Variants in FSTL5 observed in about 807,000 individuals in gnomAD.
FSTL5 encodes follistatin-related protein 5.
FSTL5 carries 62 observed loss-of-function variants against 89.1 expected under a neutral mutation model. The ratio of observed to expected loss-of-function variants is 0.70; its 90% CI spans 0.57 to 0.86. FSTL5 has a LOEUF of 0.86. Among genes scored for constraint, FSTL5 ranks in the 40% least tolerant of loss-of-function variants. FSTL5 has a pLI of 0.00. For missense variants in FSTL5, 1,057 were observed against 1,001.6 expected (o/e 1.06, Z -0.75); for synonymous variants, 383 against 346.2 (o/e 1.11, Z -1.18).
At chr4:161,742,689 G>A (rs1740068313) in intron 6 of FSTL5, among the ~76,000 whole-genome samples, 1 of 152,160 alleles carries the variant, frequency 6.6e-6, no homozygotes, top group Non-Finnish European at 1.5e-5. Flanking sequence ...TAGTGGATGA[G>A]TATGATAAGA....
chr4:162,089,635 AAAAAAAAAAAAAAAAG>A (rs1448132216), intron 2 of FSTL5, among the ~76,000 whole-genome samples: 2 of 83,754 alleles, frequency 2.4e-5, no homozygotes, highest in African/African-American at 3.4e-5. Flanking sequence ...TCTGTCTCAA[AAAAAAAAAAAAAAAAG>A]AAAAAAAAGA....
chr4:161,796,839 T>G (rs1222857487), intron 4 of FSTL5, among the ~76,000 whole-genome samples: 1 of 151,532 alleles, frequency 6.6e-6, no homozygotes. Context: ...GAAATTATTA[T>G]CTTACTCTCA....
intron 3 of FSTL5, among the ~76,000 whole-genome samples, chr4:161,952,657 C>A (rs1431272374): frequency 6.6e-6 from 1 of 151,770 alleles, no homozygotes; most frequent in African/African-American, 2.4e-5. Context: ...TATTTAAATT[C>A]AATACATTAA....
chr4:161,778,348 CAT>C (rs1741496392), intron 4 of FSTL5, among the ~76,000 whole-genome samples: 2 of 152,020 alleles, frequency 1.3e-5, no homozygotes, highest in South Asian at 2.1e-4. Flanking sequence ...TTTTTTATAA[CAT>C]ATTTTTAGGA....
chr4:161,889,717 C>G (rs1207501382), intron 4 of FSTL5, among the ~76,000 whole-genome samples: 1 of 152,180 alleles, frequency 6.6e-6, no homozygotes, highest in Non-Finnish European at 1.5e-5. Context: ...TGTAAATAAA[C>G]TGCCTCCTCT....
chr4:161,653,564 G>T (rs550644455), intron 7 of FSTL5, among the ~76,000 whole-genome samples: 39 of 152,072 alleles, frequency 2.6e-4, no homozygotes, highest in Non-Finnish European at 3.8e-4. Context: ...AAGGTGTTGG[G>T]TAACCAGAAA....
chr4:162,058,026 T>C (rs930235410), intron 2 of FSTL5, among the ~76,000 whole-genome samples: 26 of 152,140 alleles, frequency 1.7e-4, no homozygotes, highest in Admixed American at 3.9e-4. Flanking sequence ...TTCTGAAGGA[T>C]AGTGTAATAT....
chr4:161,970,333 C>T (rs1039249714), intron 3 of FSTL5, among the ~76,000 whole-genome samples: 3 of 151,874 alleles, frequency 2.0e-5, no homozygotes, highest in Non-Finnish European at 4.4e-5. Context: ...TTTTCCAGGA[C>T]TATAAGGGAC....
intron 4 of FSTL5, among the ~76,000 whole-genome samples, chr4:161,868,527 A>G (rs967589229): frequency 1.1e-4 from 17 of 152,118 alleles, no homozygotes; most frequent in African/African-American, 4.1e-4. Context: ...CACTTTGTCA[A>G]TTTGATCTCC....
At chr4:161,620,674 C>CA (rs572160273) in intron 7 of FSTL5, among the ~76,000 whole-genome samples, 1 of 151,662 alleles carries the variant, frequency 6.6e-6, no homozygotes, top group Admixed American at 6.6e-5. Flanking sequence ...AAAACAAAAA[C>CA]AAAAACAAAA....
chr4:161,672,186 C>G (rs1050737619), intron 6 of FSTL5, among the ~76,000 whole-genome samples: 4 of 152,130 alleles, frequency 2.6e-5, no homozygotes, highest in African/African-American at 9.7e-5. Flanking sequence ...CCAAGACTTC[C>G]TAAGTATTTC....
intron 3 of FSTL5, among the ~76,000 whole-genome samples, chr4:162,024,153 A>T (rs1029709039): frequency 6.6e-6 from 1 of 152,198 alleles, no homozygotes; most frequent in Non-Finnish European, 1.5e-5. Flanking sequence ...TTAAAAAAGG[A>T]TATTCACTAA....
chr4:161,980,350 G>A (rs1191370844), intron 3 of FSTL5, among the ~76,000 whole-genome samples: 1 of 152,018 alleles, frequency 6.6e-6, no homozygotes, highest in Admixed American at 6.6e-5. Context: ...AGAGACGGAA[G>A]GATTTGAAAA....
rs571821191 is a variant in FSTL5 at position 161,813,277 on chromosome 4, C to T, written c.410-37203G>A. ...ATCTCCTGACCTCGTGATCTGCCCG[C>T]CTTGGCCTCCCAAAGTGCTGGGATT... On this transcript the variant is annotated intron_variant, in intron 4 of 15. Coordinates refer to ENST00000306100, the MANE Select transcript of FSTL5 (RefSeq NM_020116.5). Among the ~76,000 whole-genome samples, 4 of 152,190 alleles carry T rather than the reference C, an allele frequency of 2.6e-5. No homozygotes were observed. The South Asian group carries it at 8.3e-4, about 32-fold the overall frequency.
chr4:161,865,537 T>A (rs1200070265), intron 4 of FSTL5, among the ~76,000 whole-genome samples: 1 of 152,164 alleles, frequency 6.6e-6, no homozygotes, highest in Non-Finnish European at 1.5e-5. Flanking sequence ...AAGCTCCTAC[T>A]TATAATACAC....
In FSTL5 at chr4:161,538,207, T is replaced by G. The variant is rs766537558; in HGVS notation, c.1271A>C (p.Asp424Ala). ...GTCTTCCACAAAAAGAGAAGAGATG[T>G]CTTCATCCACTCCTGCTTCATTCTT... Reference protein sequence around the residue: ...IAKNEAGVDEDISSLFVEDSA... With the variant: ...IAKNEAGVDEAISSLFVEDSA... The change falls in exon 10 of 16, where the codon GAC becomes GCC. Residue 424 changes from aspartate (D) to alanine (A), a missense_variant. Physicochemically the swap from Asp to Ala is moderately radical, Grantham distance 126. Transcript: ENST00000306100. 2.5e-6 allele frequency: 4 copies of G among 1,614,046 alleles called. No homozygotes were observed. Among genetic ancestry groups the G allele is most frequent in the Non-Finnish European group, 3.4e-6 (4 of 1,179,950 alleles).
At chr4:162,000,609 A>G (rs1252235881) in intron 3 of FSTL5, among the ~76,000 whole-genome samples, 7 of 151,808 alleles carry the variant, frequency 4.6e-5, no homozygotes, top group Non-Finnish European at 1.0e-4. Context: ...AAAAAAAAAA[A>G]ACAAAAACAA....
intron 15 of FSTL5, among the ~76,000 whole-genome samples, chr4:161,414,739 A>G (rs1012576777): frequency 2.0e-4 from 31 of 152,208 alleles, no homozygotes; most frequent in Non-Finnish European, 3.8e-4. Context: ...AAAAAAAATT[A>G]ACAGACATTA....
intron 3 of FSTL5, among the ~76,000 whole-genome samples, chr4:161,951,383 A>C (rs1734890326): frequency 6.6e-6 from 1 of 152,112 alleles, no homozygotes; most frequent in African/African-American, 2.4e-5. Flanking sequence ...CCAGGATTAA[A>C]AGCAGTCAGA....
Sources: gnomAD v4.1 joint callset for allele counts (sites outside exome capture counted in the v4.1 genomes callset) on GRCh38, gnomAD v4.1.1 for gene constraint, MANE v1.5 for transcripts, NCBI Gene and HGNC (gene_info 2026-07-23, HGNC 2026-07-21) for gene names.